The following MEF2C variants were observed in gnomAD, a reference collection of about 807,000 sequenced individuals.
MEF2C encodes the protein myocyte enhancer factor 2C.
MEF2C carries 6 observed loss-of-function variants against 50.5 expected under a neutral mutation model. The observed-to-expected ratio is 0.12, with a 90% CI of 0.07 to 0.23. MEF2C has a LOEUF of 0.23. MEF2C is among the 10% of genes least tolerant of loss of function. The pLI is 1.00. For missense variants in MEF2C, 276 were observed against 605.0 expected (o/e 0.46, Z 5.70); for synonymous variants, 183 against 228.0 (o/e 0.80, Z 1.78).
At chr5:88,865,032 G>T (rs1826846422) in intron 1 of MEF2C, among the ~76,000 whole-genome samples, 1 of 151,908 alleles carries the variant, frequency 6.6e-6, no homozygotes, top group Admixed American at 6.6e-5. Flanking sequence ...AAAGTGCTGG[G>T]GTTACAGGCA....
chr5:88,845,480 C>G (rs570819320), intron 1 of MEF2C, among the ~76,000 whole-genome samples: 1 of 152,018 alleles, frequency 6.6e-6, no homozygotes, highest in Non-Finnish European at 1.5e-5. Flanking sequence ...ATCGACATAC[C>G]ACTAAATCTG....
intron 4 of MEF2C, 182 bp downstream of exon 4, chr5:88,761,003 C>T: frequency 6.2e-7 from 1 of 1,610,440 alleles, no homozygotes; most frequent in Non-Finnish European, 8.5e-7. Context: ...TTTTATGACT[C>T]TTGATCATAT....
At chr5:88,791,872 C>T (rs1256825973) in intron 3 of MEF2C, among the ~76,000 whole-genome samples, 1 of 151,538 alleles carries the variant, frequency 6.6e-6, no homozygotes, top group Non-Finnish European at 1.5e-5. Context: ...AATCTTTTTC[C>T]CCTTTTCCCT....
intron 1 of MEF2C, among the ~76,000 whole-genome samples, chr5:88,864,987 C>T (rs1435625037): frequency 6.6e-6 from 1 of 151,928 alleles, no homozygotes; most frequent in Non-Finnish European, 1.5e-5. Flanking sequence ...AGGCTGGCCT[C>T]GAACTCCTGA....
intron 1 of MEF2C, among the ~76,000 whole-genome samples, chr5:88,890,158 A>G (rs1203571537): frequency 3.9e-5 from 6 of 152,264 alleles, no homozygotes; most frequent in Non-Finnish European, 8.8e-5. Flanking sequence ...TCATAGCTCT[A>G]TTAAGCTAAC....
intron 6 of MEF2C, chr5:88,739,548 T>C (rs1045350891): frequency 3.0e-6 from 3 of 984,034 alleles, no homozygotes; most frequent in Non-Finnish European, 3.6e-6. Context: ...TACTTTAAAT[T>C]GTGTATCATA....
chr5:88,776,010 A>C (rs1235488781), intron 3 of MEF2C: 1 of 160,768 alleles, frequency 6.2e-6, no homozygotes, highest in Non-Finnish European at 1.3e-5. Flanking sequence ...CTTTTTGTTG[A>C]TATATTTCAT....
At chr5:88,777,677 C>T (rs1166640453) in intron 3 of MEF2C, among the ~76,000 whole-genome samples, 5 of 152,040 alleles carry the variant, frequency 3.3e-5, no homozygotes, top group South Asian at 2.1e-4. Flanking sequence ...GTGTTTGTAA[C>T]GGAATTCATT....
chr5:88,748,703 T>C (rs1771157116), intron 6 of MEF2C: 1 of 907,394 alleles, frequency 1.1e-6, no homozygotes, highest in Non-Finnish European at 1.3e-6. Flanking sequence ...AATACTTCTT[T>C]GGCTGGAAAA....
chr5:88,871,204 C>CA (rs1471974575), intron 1 of MEF2C, among the ~76,000 whole-genome samples: 1 of 151,238 alleles, frequency 6.6e-6, no homozygotes, highest in Non-Finnish European at 1.5e-5. Flanking sequence ...CAGCTGCAGT[C>CA]AAAAAAAATT....
intron 1 of MEF2C, among the ~76,000 whole-genome samples, chr5:88,902,556 G>A (rs1460385649): frequency 6.7e-6 from 1 of 149,734 alleles, no homozygotes; most frequent in Non-Finnish European, 1.5e-5. Context: ...CAGTTTAAAA[G>A]AGTATGTTAG....
intron 1 of MEF2C, among the ~76,000 whole-genome samples, chr5:88,837,627 A>G (rs1815702702): frequency 6.6e-6 from 1 of 152,212 alleles, no homozygotes; most frequent in Non-Finnish European, 1.5e-5. Flanking sequence ...TCAATAAAGG[A>G]GGAAAACAAA....
rs572199206 is a variant in MEF2C at position 88,742,290 on chromosome 5, A to G, written c.637+6780T>C. 3.0e-6 allele frequency: 3 copies of G among 985,270 alleles called. 1 individual carries two copies. Among genetic ancestry groups the G allele is most frequent in the Non-Finnish European group, 3.6e-6 (3 of 829,888 alleles). 61.0% of individuals were successfully genotyped at this position (985,270 alleles called of 1,614,324 possible). A position where few individuals can be genotyped will look rare whatever the true frequency, so the allele number is the denominator to read the frequency against. On this transcript the variant is annotated intron_variant, in intron 6 of 10. Coordinates refer to ENST00000504921, the MANE Select transcript of MEF2C (RefSeq NM_002397.5). ...CAAATAAAATCTTATCATGATGCCA[A>G]AGATAGGGAAGAGGAACCTAATAGG... is the stretch of plus-strand genomic sequence containing the variant.
intron 6 of MEF2C, chr5:88,748,161 A>G (rs957819995): frequency 1.0e-6 from 1 of 983,106 alleles, no homozygotes; most frequent in Non-Finnish European, 1.2e-6. Context: ...TTGTAAACCA[A>G]TTTTCTTTAT....
chr5:88,734,121 C>A, intron 6 of MEF2C: 1 of 983,754 alleles, frequency 1.0e-6, no homozygotes, highest in African/African-American at 1.8e-5. Context: ...AATATGTCAT[C>A]CTGAATCATT....
chr5:88,848,592 G>A (rs1475938529), intron 1 of MEF2C, among the ~76,000 whole-genome samples: 1 of 152,148 alleles, frequency 6.6e-6, no homozygotes, highest in Non-Finnish European at 1.5e-5. Context: ...ACTCCACACT[G>A]TTAACTAGTG....
chr5:88,880,599 G>T (rs1832536194), intron 1 of MEF2C, among the ~76,000 whole-genome samples: 1 of 152,098 alleles, frequency 6.6e-6, no homozygotes, highest in African/African-American at 2.4e-5. Flanking sequence ...TTTAAATAAA[G>T]TATTTATTAG....
chr5:88,831,770 A>G (rs577954936), intron 1 of MEF2C, among the ~76,000 whole-genome samples: 14 of 152,120 alleles, frequency 9.2e-5, no homozygotes, highest in African/African-American at 3.4e-4. Flanking sequence ...CAATTTTTCT[A>G]TTTCTCTTCA....
At chr5:88,877,736 TAC>T (rs1831496578) in intron 1 of MEF2C, among the ~76,000 whole-genome samples, 2 of 152,126 alleles carry the variant, frequency 1.3e-5, no homozygotes, top group South Asian at 2.1e-4. Flanking sequence ...CCAAAATTAT[TAC>T]AGTGTACTTT....
Sources: gnomAD v4.1 joint callset for allele counts (sites outside exome capture counted in the v4.1 genomes callset) on GRCh38, gnomAD v4.1.1 for gene constraint, MANE v1.5 for transcripts, NCBI Gene and HGNC (gene_info 2026-07-23, HGNC 2026-07-21) for gene names.